KCNQ1: variants seen among roughly 807,000 people sequenced by gnomAD.
KCNQ1 encodes potassium voltage-gated channel subfamily Q member 1, also known as potassium voltage-gated channel subfamily KQT member 1.
A neutral mutation model predicts 72.4 loss-of-function variants in KCNQ1; 49 were observed. The observed-to-expected ratio is 0.68, with a 90% confidence interval of 0.54 to 0.86. The LOEUF (loss-of-function observed/expected upper bound fraction) is 0.86. Among genes scored for constraint, KCNQ1 ranks in the 40% least tolerant of loss-of-function variants. KCNQ1 has a pLI of 0.00. For synonymous variants in KCNQ1, 450 were observed against 412.6 expected (o/e 1.09, Z -1.10); for missense variants, 790 against 945.1 (o/e 0.84, Z 2.15).
intron 2 of KCNQ1, among the ~76,000 whole-genome samples, chr11:2,562,000 T>A (rs1206550924): frequency 6.6e-6 from 1 of 152,112 alleles, no homozygotes; most frequent in Non-Finnish European, 1.5e-5. Flanking sequence ...ACCCCAGCGG[T>A]GCCCACACTA....
chr11:2,527,866 C>T, intron 1 of KCNQ1, 62 bp from the exon 2 acceptor site: 1 of 1,487,860 alleles, frequency 6.7e-7, no homozygotes, highest in Non-Finnish European at 9.4e-7. Flanking sequence ...CCTCCACTCC[C>T]CAGGTGCATC....
chr11:2,662,813 C>G, intron 11 of KCNQ1: 1 of 398,932 alleles, frequency 2.5e-6, no homozygotes, highest in Non-Finnish European at 4.4e-6. Flanking sequence ...GTGAGTGACA[C>G]TCGCGGCCCT....
chr11:2,475,859 G>A lies in KCNQ1; in HGVS notation c.386+30375G>A, dbSNP rs1052924626. 6.6e-6 allele frequency among the ~76,000 whole-genome samples: 1 copy of A among 152,152 alleles called. No homozygotes were observed. Among genetic ancestry groups the A allele is most frequent in the African/African-American group, 2.4e-5 (1 of 41,434 alleles). On this transcript the variant is annotated intron_variant, in intron 1 of 15. Coordinates refer to ENST00000155840, the MANE Select transcript of KCNQ1 (RefSeq NM_000218.3). The surrounding 1 kb of genome is among the most constrained non-coding windows in gnomAD (Gnocchi z 5.8). ...TGCCTGCCACCATCCACGTAAGATG[G>A]GACTTGGTCCTCCTTGCCTTCCGCC...
chr11:2,685,109 C>T (rs562485602), intron 11 of KCNQ1: 112 of 398,590 alleles, frequency 2.8e-4, no homozygotes, highest in Admixed American at 7.0e-4. Context: ...CCTTTTGGCA[C>T]GGGGGGTCTG....
intron 1 of KCNQ1, among the ~76,000 whole-genome samples, chr11:2,467,992 C>T (rs530639084): frequency 3.9e-5 from 6 of 152,364 alleles, no homozygotes; most frequent in African/African-American, 1.4e-4. Context: ...GGGTGCAGGC[C>T]ATGTGCCTCT....
intron 2 of KCNQ1, among the ~76,000 whole-genome samples, chr11:2,534,035 G>T (rs1191090797): frequency 1.4e-5 from 2 of 142,976 alleles, no homozygotes; most frequent in Non-Finnish European, 1.5e-5. Context: ...CACCCCTCCC[G>T]CCAGCTGCAG....
chr11:2,635,307 G>A (rs1849444842), intron 10 of KCNQ1: 1 of 152,050 alleles, frequency 6.6e-6, no homozygotes, highest in Non-Finnish European at 1.5e-5. Context: ...GGGTTTTTAC[G>A]GTTTTAGGTC....
rs1850568812 is a variant in KCNQ1, at chr11:2,690,390, A to G, written c.1514+28309A>G. The G allele has an allele frequency of 5.0e-6, 2 of 398,566 alleles. No individual in the cohort carries two copies. Among genetic ancestry groups the G allele is most frequent in the Non-Finnish European group, 8.8e-6 (2 of 226,120 alleles). The allele number at this position is 398,566 out of a possible 1,614,324, so 24.7% of individuals were successfully genotyped here. On this transcript the variant is annotated intron_variant, in intron 11 of 15. Transcript: ENST00000155840. This position sits in a 1 kb window ranked among gnomAD's most constrained non-coding sequence, Gnocchi z 5.1. ...TTGGCATGGAACATGTGCCAGACCA[A>G]AAGAGCTATCTCTCTCCCTGCGAAA...
At chr11:2,765,899 T>G (rs1330048855) in intron 11 of KCNQ1, among the ~76,000 whole-genome samples, 1 of 152,212 alleles carries the variant, frequency 6.6e-6, no homozygotes, top group Non-Finnish European at 1.5e-5. Flanking sequence ...AATTAGACTA[T>G]TAATCCACTT....
chr11:2,667,127 A>G (rs892985118), intron 11 of KCNQ1: 13 of 398,536 alleles, frequency 3.3e-5, no homozygotes, highest in Non-Finnish European at 5.3e-5. Context: ...GCTCAGTGGG[A>G]AAGAGATGGG....
intron 3 of KCNQ1, 99 bp from the exon 4 acceptor site, chr11:2,571,226 C>G: frequency 1.0e-6 from 1 of 1,003,130 alleles, no homozygotes; most frequent in Non-Finnish European, 1.6e-6. Flanking sequence ...CCCGTCTGAC[C>G]AGCAAGCCCC....
At chr11:2,811,275 C>T (rs914110671) in intron 15 of KCNQ1, among the ~76,000 whole-genome samples, 4 of 152,242 alleles carry the variant, frequency 2.6e-5, no homozygotes, top group African/African-American at 9.6e-5. Context: ...TGTTACAACC[C>T]AGATTTCCCT....
chr11:2,546,471 T>C (rs1847903766), intron 2 of KCNQ1, among the ~76,000 whole-genome samples: 1 of 152,224 alleles, frequency 6.6e-6, no homozygotes, highest in Non-Finnish European at 1.5e-5. Context: ...GATGGCATTG[T>C]CCAAGTCTAC....
At chr11:2,448,801 G>A (rs199858413) in intron 1 of KCNQ1, among the ~76,000 whole-genome samples, 2 of 152,208 alleles carry the variant, frequency 1.3e-5, no homozygotes, top group Non-Finnish European at 2.9e-5. Context: ...TGGCTGTCTG[G>A]GGTCCCCTCA....
At chr11:2,686,246 C>G (rs1850487699) in intron 11 of KCNQ1, 2 of 398,768 alleles carry the variant, frequency 5.0e-6, no homozygotes, top group Non-Finnish European at 4.4e-6. Context: ...GGATAGCACA[C>G]AGCAAATGTC....
Position 2,654,831 on chromosome 11 carries a change from A to G in KCNQ1, c.1394-7130A>G, listed in dbSNP as rs150648685. On this transcript the variant is annotated intron_variant, in intron 10 of 15. Coordinates refer to ENST00000155840, the MANE Select transcript of KCNQ1 (RefSeq NM_000218.3). This position sits in a 1 kb window ranked among gnomAD's most constrained non-coding sequence, Gnocchi z 6.4. ...AAGACTTTCATGATAGGAGAGCTCT[A>G]TGTAGCCTCATGGGCAGCTCCAGGC... The G allele has an allele frequency of 5.0e-6, 2 of 398,612 alleles. No individual in the cohort carries two copies. The highest frequency in any genetic ancestry group is 2.1e-5 in the African/African-American group (1 of 48,706). The allele number at this position is 398,612 out of a possible 1,614,324, so 24.7% of individuals were successfully genotyped here.
chr11:2,736,325 G>A (rs537268191), intron 11 of KCNQ1, among the ~76,000 whole-genome samples: 2 of 152,288 alleles, frequency 1.3e-5, no homozygotes, highest in South Asian at 2.1e-4. Flanking sequence ...TGGGATCTGG[G>A]GCCCACCGGG....
rs1590024183 is a variant in KCNQ1 at position 2,674,881 on chromosome 11, G to A, written c.1514+12800G>A. Reference sequence around the variant, plus strand: ...AAAAAGCTCACTGGGCACCTTGGCTGCAGGGTCTGAAAAGTCCTTTGTGTT... The same window carrying A: ...AAAAAGCTCACTGGGCACCTTGGCTACAGGGTCTGAAAAGTCCTTTGTGTT... On this transcript the variant is annotated intron_variant, in intron 11 of 15. Coordinates refer to ENST00000155840, the MANE Select transcript of KCNQ1 (RefSeq NM_000218.3). The surrounding 1 kb of genome is among the most constrained non-coding windows in gnomAD (Gnocchi z 5.9). 1 of 394,736 alleles carries A rather than the reference G, an allele frequency of 2.5e-6. No individual in the cohort carries two copies. The highest frequency in any genetic ancestry group is 4.4e-6 in the Non-Finnish European group (1 of 225,640). The allele number at this position is 394,736 out of a possible 1,614,324, so 24.5% of individuals were successfully genotyped here.
rs1474168421 is a variant in KCNQ1, at chr11:2,671,755, A to G, written c.1514+9674A>G. ...TCAGAGAACAAGGAGCTACATACAC[A>G]TACATGCATGCACATAATCATTCTG... On this transcript the variant is annotated intron_variant, in intron 11 of 15. Transcript: ENST00000155840. This position sits in a 1 kb window ranked among gnomAD's most constrained non-coding sequence, Gnocchi z 4.7. 1 of 398,620 alleles carries G rather than the reference A, an allele frequency of 2.5e-6. No individual in the cohort carries two copies. The highest frequency in any genetic ancestry group is 2.1e-5 in the African/African-American group (1 of 48,638). The allele number at this position is 398,620 out of a possible 1,614,324, so 24.7% of individuals were successfully genotyped here. A position where few individuals can be genotyped will look rare whatever the true frequency, so the allele number is the denominator to read the frequency against.
Sources: gnomAD v4.1 joint callset for allele counts (sites outside exome capture counted in the v4.1 genomes callset) on GRCh38, gnomAD v4.1.1 for gene constraint, Gnocchi (gnomAD v3.1) non-coding constraint, MANE v1.5 for transcripts, NCBI Gene and HGNC (gene_info 2026-07-23, HGNC 2026-07-21) for gene names.